The following SSBP2 variants were observed in gnomAD, a reference collection of about 807,000 sequenced individuals.
The protein encoded by SSBP2 is single stranded DNA binding protein 2.
SSBP2 carries 17 observed loss-of-function variants against 61.8 expected under a neutral mutation model. The ratio of observed to expected loss-of-function variants is 0.28; its 90% CI spans 0.19 to 0.41. SSBP2 has a LOEUF of 0.41. Among genes scored for constraint, SSBP2 ranks in the 10% least tolerant of loss-of-function variants. The probability of loss-of-function intolerance (pLI) is 1.00; values close to 1 mark genes in which losing one functional copy is unlikely to be tolerated. For synonymous variants in SSBP2, 139 were observed against 141.3 expected, an observed-to-expected ratio of 0.98 and a Z score of 0.12; for missense variants, 310 against 458.7, an observed-to-expected ratio of 0.68 and a Z score of 2.96.
chr5:81,466,038 T>C (rs1764869475), intron 9 of SSBP2, among the ~76,000 whole-genome samples: 1 of 152,046 alleles, frequency 6.6e-6, no homozygotes, highest in South Asian at 2.1e-4. Flanking sequence ...ACAGTGTATC[T>C]TCAATGCCAT....
chr5:81,579,094 G>A (rs1774452540), intron 4 of SSBP2, among the ~76,000 whole-genome samples: 2 of 152,014 alleles, frequency 1.3e-5, no homozygotes, highest in Non-Finnish European at 2.9e-5. Flanking sequence ...GGTAGCAAGA[G>A]GCAAAAGATA....
At chr5:81,724,455 A>C (rs1293374916) in intron 1 of SSBP2, among the ~76,000 whole-genome samples, 1 of 152,086 alleles carries the variant, frequency 6.6e-6, no homozygotes, top group Non-Finnish European at 1.5e-5. Context: ...AACACAGTGC[A>C]AAGCCACTGT....
intron 1 of SSBP2, among the ~76,000 whole-genome samples, chr5:81,696,378 CTT>C (rs1323420705): frequency 6.6e-6 from 1 of 152,186 alleles, no homozygotes; most frequent in Non-Finnish European, 1.5e-5. Flanking sequence ...TCTTTTCTCT[CTT>C]GTCCTTGCCA....
intron 5 of SSBP2, among the ~76,000 whole-genome samples, chr5:81,489,602 C>G (rs1766701189): frequency 6.6e-6 from 1 of 151,710 alleles, no homozygotes; most frequent in South Asian, 2.1e-4. Flanking sequence ...TATCTAGTGG[C>G]AAAAAATAAG....
chr5:81,552,531 G>A (rs1016595092), intron 4 of SSBP2, among the ~76,000 whole-genome samples: 1 of 152,010 alleles, frequency 6.6e-6, no homozygotes, highest in East Asian at 1.9e-4. Flanking sequence ...CCACCTACTT[G>A]GGAGGCTGAG....
intron 15 of SSBP2, 52 bp from the exon 16 acceptor site, chr5:81,428,735 C>T (rs753228946): frequency 7.6e-7 from 1 of 1,319,822 alleles, no homozygotes; most frequent in South Asian, 1.2e-5. Context: ...TAATTTCCCT[C>T]TTGCACTGTA....
At chr5:81,612,245 G>C (rs964044743) in intron 4 of SSBP2, among the ~76,000 whole-genome samples, 1 of 152,050 alleles carries the variant, frequency 6.6e-6, no homozygotes, top group Non-Finnish European at 1.5e-5. Context: ...CTCAATATGT[G>C]CACATACAAA....
intron 4 of SSBP2, among the ~76,000 whole-genome samples, chr5:81,543,483 T>C (rs948260105): frequency 2.0e-5 from 3 of 151,966 alleles, no homozygotes; most frequent in East Asian, 1.9e-4. Flanking sequence ...ATGCCAGCAA[T>C]AGACACTGAA....
chr5:81,668,248 TAAAAAAAAAAAAA>T (rs11332987), intron 1 of SSBP2, among the ~76,000 whole-genome samples: 2 of 94,904 alleles, frequency 2.1e-5, no homozygotes, highest in South Asian at 8.4e-4. Context: ...TATGGAAGTT[TAAAAAAAAAAAAA>T]AAAAAAAAAA....
At chr5:81,605,980 A>T (rs1440027332) in intron 4 of SSBP2, among the ~76,000 whole-genome samples, 1 of 152,200 alleles carries the variant, frequency 6.6e-6, no homozygotes, top group Non-Finnish European at 1.5e-5. Flanking sequence ...TCTGGGAAAT[A>T]GACCCAAACA....
At chr5:81,723,787 A>T (rs1755697885) in intron 1 of SSBP2, among the ~76,000 whole-genome samples, 1 of 151,980 alleles carries the variant, frequency 6.6e-6, no homozygotes, top group African/African-American at 2.4e-5. Flanking sequence ...GACACGGTAT[A>T]TATCATTACC....
intron 4 of SSBP2, among the ~76,000 whole-genome samples, chr5:81,560,135 C>T (rs182653861): frequency 5.9e-5 from 9 of 152,164 alleles, no homozygotes; most frequent in Admixed American, 2.0e-4. Flanking sequence ...CTATGTGCCA[C>T]GATTAATTGT....
chr5:81,473,544 C>A (rs1431662932), intron 8 of SSBP2, among the ~76,000 whole-genome samples, 156 bp downstream of exon 8: 1 of 152,166 alleles, frequency 6.6e-6, no homozygotes, highest in Non-Finnish European at 1.5e-5. Context: ...CCAGCTTCAT[C>A]CATGTGCCTG....
intron 1 of SSBP2, among the ~76,000 whole-genome samples, chr5:81,690,830 T>C (rs527413037): frequency 2.6e-5 from 4 of 152,248 alleles, no homozygotes; most frequent in African/African-American, 9.6e-5. Context: ...AAAACAAGTC[T>C]TAAAATATTC....
Position 81,413,069 on chromosome 5 carries a change from A to T in SSBP2, c.*7435T>A, listed in dbSNP as rs1761197536. The T allele has an allele frequency of 6.6e-6, 1 of 152,236 alleles. No individual in the cohort carries two copies. The highest frequency in any genetic ancestry group is 6.5e-5 in the Admixed American group (1 of 15,282). The allele number at this position is 152,236 out of a possible 1,614,324, so 9.4% of individuals were successfully genotyped here. A position where few individuals can be genotyped will look rare whatever the true frequency, so the allele number is the denominator to read the frequency against. On this transcript the variant is annotated 3_prime_UTR_variant, in exon 17 of 17. Transcript: ENST00000320672. ...TTTATGCTGGCTTCATACAAACTTG[A>T]CTTTTTCAACAAGTAATGAAGTACA...
chr5:81,497,561 C>T (rs1767382819), intron 5 of SSBP2, among the ~76,000 whole-genome samples: 1 of 152,134 alleles, frequency 6.6e-6, no homozygotes, highest in Non-Finnish European at 1.5e-5. Flanking sequence ...ATTGGTATAA[C>T]ATATCTGGTT....
chr5:81,554,665 A>T (rs1772458790), intron 4 of SSBP2, among the ~76,000 whole-genome samples: 1 of 151,906 alleles, frequency 6.6e-6, no homozygotes, highest in Non-Finnish European at 1.5e-5. Context: ...TTAAAGGACA[A>T]ATAGAAAAAG....
chr5:81,510,393 T>C (rs1217937310), intron 5 of SSBP2, among the ~76,000 whole-genome samples: 2 of 152,220 alleles, frequency 1.3e-5, no homozygotes, highest in African/African-American at 2.4e-5. Context: ...CCTGCATTTA[T>C]TTCTGTCTCT....
chr5:81,511,981 T>A (rs1269621949), intron 5 of SSBP2, among the ~76,000 whole-genome samples: 2 of 152,150 alleles, frequency 1.3e-5, no homozygotes, highest in Non-Finnish European at 2.9e-5. Flanking sequence ...ATGAAAAATG[T>A]ATGGATTTAT....
Sources: allele counts gnomAD v4.1 joint callset (sites outside exome capture counted in the v4.1 genomes callset), GRCh38; gene constraint gnomAD v4.1.1; transcripts MANE v1.5; gene names NCBI Gene and HGNC (gene_info 2026-07-23, HGNC 2026-07-21).